STIM1: variants seen among roughly 807,000 people sequenced by gnomAD.
STIM1 encodes the protein stromal interaction molecule 1.
A neutral mutation model predicts 74.7 loss-of-function variants in STIM1; 25 were observed. That is an observed-to-expected ratio of 0.33 (90% CI 0.24 to 0.47). The LOEUF (loss-of-function observed/expected upper bound fraction) is 0.47, where lower values mean the gene tolerates loss of function less well. Ranked by LOEUF, STIM1 falls within the 20% of genes least tolerant of loss-of-function variation. The pLI is 1.00. For synonymous variants in STIM1, 328 were observed against 348.8 expected (o/e 0.94, Z 0.66); for missense variants, 728 against 920.8 (o/e 0.79, Z 2.71).
chr11:3,878,444 G>A (rs2091377048), intron 1 of STIM1, among the ~76,000 whole-genome samples: 1 of 151,950 alleles, frequency 6.6e-6, no homozygotes, highest in Non-Finnish European at 1.5e-5. Context: ...TGCCTGAAAA[G>A]CACATATGAA....
At chr11:3,917,634 C>T (rs1048776008) in intron 1 of STIM1, among the ~76,000 whole-genome samples, 3 of 152,008 alleles carry the variant, frequency 2.0e-5, no homozygotes, top group African/African-American at 7.3e-5. Flanking sequence ...AGGATTTTGC[C>T]ATGTTGCCCA....
At position 3,864,113 on chromosome 11, in the gene STIM1, A is replaced by C. The variant is rs527842582; in HGVS notation, c.139+7704A>C. Reference sequence around the variant, plus strand: ...TTTTATTCAAGGCTTACTGTGGGCCATGGGGAGACTGTTAATAAAGTCTGG... The same window carrying C: ...TTTTATTCAAGGCTTACTGTGGGCCCTGGGGAGACTGTTAATAAAGTCTGG... On this transcript the variant is annotated intron_variant, in intron 1 of 12. Transcript: ENST00000526596. Among the ~76,000 whole-genome samples, 8 of 152,214 alleles carry C rather than the reference A, an allele frequency of 5.3e-5. No homozygotes were observed. In the South Asian group the frequency reaches 1.7e-3, roughly 32 times the overall value.
At chr11:3,966,087 T>G (rs1565130528) in intron 1 of STIM1, among the ~76,000 whole-genome samples, 1 of 152,174 alleles carries the variant, frequency 6.6e-6, no homozygotes, top group African/African-American at 2.4e-5. Flanking sequence ...TTATCACCTG[T>G]GGCTTCTAAA....
intron 2 of STIM1, chr11:3,973,801 C>T (rs2093419002): frequency 8.9e-6 from 3 of 336,252 alleles, no homozygotes; most frequent in East Asian, 1.2e-4. Context: ...GTAGCCTTTA[C>T]CTCCCAGGCT....
In STIM1 at chr11:4,091,854, T is replaced by G. The variant is rs2094527311; in HGVS notation, c.*56T>G. Reference sequence around the variant, plus strand: ...TGTCCTTCCCTGGGTGTTCTGTCTCTCCTTCCCTCCCTTCCTTCAAGATAA... The same window carrying G: ...TGTCCTTCCCTGGGTGTTCTGTCTCGCCTTCCCTCCCTTCCTTCAAGATAA... On this transcript the variant is annotated 3_prime_UTR_variant, in exon 13 of 13. Transcript: ENST00000526596. The G allele has an allele frequency of 1.3e-6, 2 of 1,595,306 alleles. No individual in the cohort carries two copies. The highest frequency in any genetic ancestry group is 1.7e-6 in the Non-Finnish European group (2 of 1,177,538).
At chr11:3,886,832 T>C (rs1422889383) in intron 1 of STIM1, among the ~76,000 whole-genome samples, 1 of 151,172 alleles carries the variant, frequency 6.6e-6, no homozygotes, top group Non-Finnish European at 1.5e-5. Flanking sequence ...TGAAACCCCG[T>C]CTTTACTAAA....
intron 3 of STIM1, among the ~76,000 whole-genome samples, chr11:4,048,240 A>G (rs971243637): frequency 6.6e-6 from 1 of 152,216 alleles, no homozygotes; most frequent in Non-Finnish European, 1.5e-5. Flanking sequence ...GTGGTTTTCA[A>G]ACTTGAAGAA....
At chr11:4,019,852 C>T (rs1426241303) in intron 2 of STIM1, among the ~76,000 whole-genome samples, 2 of 152,094 alleles carry the variant, frequency 1.3e-5, no homozygotes, top group Non-Finnish European at 2.9e-5. Context: ...TTATTGTTAA[C>T]TAAAATCACC....
At chr11:3,950,956 C>G (rs2093139612) in intron 1 of STIM1, among the ~76,000 whole-genome samples, 1 of 152,120 alleles carries the variant, frequency 6.6e-6, no homozygotes, top group Non-Finnish European at 1.5e-5. Flanking sequence ...AAATTGTACT[C>G]ACTGCTTGGT....
chr11:4,033,449 A>G (rs1412104704), intron 3 of STIM1, among the ~76,000 whole-genome samples: 10 of 152,136 alleles, frequency 6.6e-5, no homozygotes, highest in Admixed American at 6.5e-4. Context: ...TTCCATAGAC[A>G]GTCATGTTTA....
At chr11:3,989,489 G>T in intron 2 of STIM1, 1 of 643,526 alleles carries the variant, frequency 1.6e-6, no homozygotes. Flanking sequence ...GTGCGTGCGG[G>T]ATGTCTGTGA....
chr11:4,074,355 T>C (rs552731623), intron 6 of STIM1, 147 bp from the exon 7 acceptor site: 10 of 946,550 alleles, frequency 1.1e-5, no homozygotes, highest in Non-Finnish European at 1.5e-5. Context: ...GGCCTTGAGC[T>C]AGCTCAGAGC....
At chr11:3,950,367 C>G (rs1189090121) in intron 1 of STIM1, among the ~76,000 whole-genome samples, 5 of 152,110 alleles carry the variant, frequency 3.3e-5, no homozygotes, top group African/African-American at 1.2e-4. Context: ...CTCCTGACCT[C>G]AAGATCTGCC....
chr11:4,042,714 T>C (rs188865318), intron 3 of STIM1, among the ~76,000 whole-genome samples: 75 of 152,344 alleles, frequency 4.9e-4, no homozygotes, highest in Admixed American at 2.9e-3. Context: ...CTTCACATCT[T>C]ATAGCTCTTT....
chr11:3,945,430 A>T (rs76856877), intron 1 of STIM1, among the ~76,000 whole-genome samples: 1 of 147,068 alleles, frequency 6.8e-6, no homozygotes, highest in African/African-American at 2.6e-5. Flanking sequence ...TAAAAAAATA[A>T]AAAAAAAAAG....
intron 1 of STIM1, among the ~76,000 whole-genome samples, chr11:3,948,384 A>G (rs912503310): frequency 1.1e-4 from 17 of 152,254 alleles, no homozygotes; most frequent in African/African-American, 4.1e-4. Context: ...AGAGAAAAAA[A>G]TTAAGGGATG....
intron 1 of STIM1, among the ~76,000 whole-genome samples, chr11:3,895,997 C>T (rs1431757788): frequency 1.1e-4 from 17 of 150,878 alleles, no homozygotes; most frequent in Admixed American, 4.0e-4. Flanking sequence ...CTCCGCCTCC[C>T]GGGTTCACGC....
intron 1 of STIM1, chr11:3,922,535 C>G (rs2092729945): frequency 6.6e-6 from 1 of 152,174 alleles, no homozygotes; most frequent in Non-Finnish European, 1.5e-5. Context: ...CTCCATGTGT[C>G]CTTATCCCTT....
intron 2 of STIM1, among the ~76,000 whole-genome samples, chr11:4,001,326 C>A (rs952067714): frequency 1.3e-5 from 2 of 151,728 alleles, no homozygotes; most frequent in African/African-American, 4.8e-5. Context: ...ATGTTCAGGG[C>A]AGCCAGAGAG....
Sources: gnomAD v4.1 joint callset for allele counts (sites outside exome capture counted in the v4.1 genomes callset) on GRCh38, gnomAD v4.1.1 for gene constraint, MANE v1.5 for transcripts, NCBI Gene and HGNC (gene_info 2026-07-23, HGNC 2026-07-21) for gene names.